Variants in DMD observed in about 807,000 individuals in gnomAD.
The protein encoded by DMD is dystrophin, also known as mutant dystrophin.
In DMD, 63 loss-of-function variants were observed where a neutral mutation model predicts 330.1. That is an observed-to-expected ratio of 0.19 (90% CI 0.16 to 0.24). The LOEUF (loss-of-function observed/expected upper bound fraction) is 0.24, where lower values mean the gene tolerates loss of function less well. DMD is among the 10% of genes least tolerant of loss of function. The probability of loss-of-function intolerance (pLI) is 1.00; values close to 1 mark genes in which losing one functional copy is unlikely to be tolerated. For synonymous variants in DMD, 1,223 were observed against 959.8 expected (o/e 1.27, Z -5.07); for missense variants, 3,344 against 2,684.1 (o/e 1.25, Z -5.43).
intron 63 of DMD, among the ~76,000 whole-genome samples, chrX:31,250,016 G>A (rs976932880): frequency 9.1e-6 from 1 of 109,969 alleles, no homozygotes; most frequent in African/African-American, 3.3e-5. Context: ...TGACCACAGA[G>A]AACTGGTGAC....
chrX:32,640,344 G>C (rs1467397518), intron 11 of DMD, among the ~76,000 whole-genome samples: 1 of 108,498 alleles, frequency 9.2e-6, no homozygotes. Context: ...ATAAAGTAGA[G>C]AACAGAAAAG....
chrX:32,192,404 T>C (rs1485303581), intron 44 of DMD, among the ~76,000 whole-genome samples: 2 of 111,556 alleles, frequency 1.8e-5, no homozygotes, highest in African/African-American at 6.5e-5. Flanking sequence ...TCTCTCAGCA[T>C]TGTCAAAATA....
intron 67 of DMD, among the ~76,000 whole-genome samples, chrX:31,191,729 T>C (rs1037750907): frequency 1.8e-5 from 2 of 111,839 alleles, no homozygotes; most frequent in African/African-American, 6.5e-5. Context: ...AATTGCCCCA[T>C]CTCAGGTATG....
intron 1 of DMD, among the ~76,000 whole-genome samples, chrX:33,144,224 T>C (rs1472783303): frequency 9.0e-6 from 1 of 110,777 alleles, no homozygotes; most frequent in Non-Finnish European, 1.9e-5. Flanking sequence ...AGCTAAAAAA[T>C]TGATCTCATG....
At chrX:31,947,521 T>C (rs889368355) in intron 45 of DMD, among the ~76,000 whole-genome samples, 1 of 112,269 alleles carries the variant, frequency 8.9e-6, no homozygotes, top group Non-Finnish European at 1.9e-5. Flanking sequence ...ACTACGATGG[T>C]TTGACTTACA....
chrX:33,318,777 C>T (rs1006299014), intron 1 of DMD, among the ~76,000 whole-genome samples: 3 of 110,452 alleles, frequency 2.7e-5, no homozygotes, highest in Non-Finnish European at 5.7e-5. Context: ...GTATTTTCCC[C>T]TGAGAATTAG....
At chrX:31,943,948 T>A (rs1218852546) in intron 45 of DMD, among the ~76,000 whole-genome samples, 1 of 106,990 alleles carries the variant, frequency 9.3e-6, no homozygotes, top group Non-Finnish European at 1.9e-5. Flanking sequence ...ATTTTGATCA[T>A]CACTTTCATA....
rs752706361 is a variant in DMD, at chrX:32,787,241, TGTGTGTGA to T, written c.649+22244_649+22251del. Among the ~76,000 whole-genome samples, 819 of 96,174 alleles carry T rather than the reference TGTGTGTGA, an allele frequency of 8.5e-3. 7 individuals are homozygous for T. Among genetic ancestry groups the T allele is most frequent in the African/African-American group, 0.027 (744 of 27,088 alleles). 83.5% of individuals were successfully genotyped at this position (96,174 alleles called of 115,157 possible). ...GTGTGTGTGTGTGTGTGTGTGTGTGTGTGTGTGAGAGAGAGAGAGAGAGAGAGAGAGAA... is the reference window on the plus strand; with the variant it reads ...GTGTGTGTGTGTGTGTGTGTGTGTGTGAGAGAGAGAGAGAGAGAGAGAGAA... On this transcript the variant is annotated intron_variant, in intron 7 of 78. Coordinates refer to ENST00000357033, the MANE Select transcript of DMD (RefSeq NM_004006.3).
chrX:33,328,187 T>G (rs1354649831), intron 1 of DMD, among the ~76,000 whole-genome samples: 1 of 110,285 alleles, frequency 9.1e-6, no homozygotes, highest in African/African-American at 3.3e-5. Context: ...AACATATAGG[T>G]TTTTTTTGTT....
At chrX:33,249,525 A>C (rs2052734010) in intron 1 of DMD, among the ~76,000 whole-genome samples, 1 of 111,781 alleles carries the variant, frequency 8.9e-6, no homozygotes, top group Admixed American at 9.6e-5. Context: ...TTCATAAGAC[A>C]TACTTACATA....
At chrX:32,681,892 T>A (rs2062451203) in intron 9 of DMD, among the ~76,000 whole-genome samples, 1 of 110,615 alleles carries the variant, frequency 9.0e-6, no homozygotes, top group Non-Finnish European at 1.9e-5. Context: ...CAGTCTAAGG[T>A]AAAGGAAGTG....
At chrX:32,512,382 C>G (rs1481445196) in intron 18 of DMD, among the ~76,000 whole-genome samples, 1 of 112,237 alleles carries the variant, frequency 8.9e-6, no homozygotes, top group African/African-American at 3.2e-5. Context: ...CTTATTCACT[C>G]AAATGTTTAT....
chrX:32,557,800 T>C (rs1247204117), intron 16 of DMD, among the ~76,000 whole-genome samples: 3 of 111,142 alleles, frequency 2.7e-5, no homozygotes, highest in Non-Finnish European at 5.7e-5. Flanking sequence ...ATCACAAGGA[T>C]GTAAAATGCT....
chrX:32,697,890 G>C lies in DMD; in HGVS notation c.940C>G (p.Arg314Gly), dbSNP rs764526102. ...CAGACCTGTGAAGGAAATGGGCTCC[G>C]TGTAGGGTCAGAGGTGGTGACATAA... Reference protein sequence around the residue: ...AAYVTTSDPTRSPFPSQHLEA... With the variant: ...AAYVTTSDPTGSPFPSQHLEA... Residue 314 changes from arginine (R) to glycine (G), a missense_variant, in exon 9 of 79, where the codon CGG becomes GGG. Coordinates refer to ENST00000357033, the MANE Select transcript of DMD (RefSeq NM_004006.3). 8 of 1,208,361 alleles carry C rather than the reference G, an allele frequency of 6.6e-6. No individual in the cohort carries two copies. The highest frequency in any genetic ancestry group is 6.6e-5 in the Admixed American group (3 of 45,505).
intron 29 of DMD, among the ~76,000 whole-genome samples, chrX:32,423,138 A>G (rs972069002): frequency 4.2e-4 from 46 of 110,245 alleles, no homozygotes; most frequent in Middle Eastern, 4.9e-3. Flanking sequence ...CATACTACTG[A>G]TTTAGCTTTT....
chrX:32,481,229 T>A (rs1174322140), intron 21 of DMD, among the ~76,000 whole-genome samples: 2 of 110,925 alleles, frequency 1.8e-5, no homozygotes, highest in Non-Finnish European at 3.8e-5. Context: ...TCTTCTGTGC[T>A]ACACCTCCCC....
intron 1 of DMD, among the ~76,000 whole-genome samples, chrX:33,296,378 T>C (rs777580228): frequency 2.3e-4 from 25 of 110,528 alleles, no homozygotes; most frequent in African/African-American, 8.2e-4. Context: ...AAAGGTAAAA[T>C]CCCAAGAAAA....
intron 78 of DMD, among the ~76,000 whole-genome samples, chrX:31,124,436 C>CCTAGTT (rs1201302084): frequency 9.0e-6 from 1 of 111,327 alleles, no homozygotes; most frequent in Non-Finnish European, 1.9e-5. Flanking sequence ...AGATTTGTAT[C>CCTAGTT]CTAGTTCTAT....
At chrX:31,889,808 A>G (rs2094215734) in intron 47 of DMD, among the ~76,000 whole-genome samples, 1 of 108,677 alleles carries the variant, frequency 9.2e-6, no homozygotes, top group Non-Finnish European at 1.9e-5. Flanking sequence ...TTATTCCCAC[A>G]CTCTCCAATC....
Sources: gnomAD v4.1 joint callset for allele counts (sites outside exome capture counted in the v4.1 genomes callset) on GRCh38, gnomAD v4.1.1 for gene constraint, MANE v1.5 for transcripts, NCBI Gene and HGNC (gene_info 2026-07-23, HGNC 2026-07-21) for gene names.